Variants in STK39 observed in about 807,000 individuals in gnomAD.
STK39 encodes STE20/SPS1-related proline-alanine-rich protein kinase.
STK39 carries 20 observed loss-of-function variants against 77.8 expected under a neutral mutation model. The ratio of observed to expected loss-of-function variants is 0.26; its 90% CI spans 0.18 to 0.37. The LOEUF (loss-of-function observed/expected upper bound fraction) is 0.37. Ranked by LOEUF, STK39 falls within the 10% of genes least tolerant of loss-of-function variation. STK39 has a pLI of 1.00. For synonymous variants in STK39, 246 were observed against 234.1 expected, an observed-to-expected ratio of 1.05 and a Z score of -0.47; for missense variants, 479 against 656.5, an observed-to-expected ratio of 0.73 and a Z score of 2.95.
chr2:168,202,126 G>A (rs1041849156), intron 1 of STK39, among the ~76,000 whole-genome samples: 11 of 152,120 alleles, frequency 7.2e-5, no homozygotes, highest in African/African-American at 2.7e-4. Flanking sequence ...ACCTGCATCA[G>A]AACCAACTGG....
chr2:168,159,057 T>A (rs1688505322), intron 5 of STK39, among the ~76,000 whole-genome samples: 1 of 152,098 alleles, frequency 6.6e-6, no homozygotes, highest in Non-Finnish European at 1.5e-5. Context: ...AAAGTGAGTG[T>A]TTCCCCTAAA....
At chr2:168,223,309 A>T (rs1386134566) in intron 1 of STK39, among the ~76,000 whole-genome samples, 1 of 152,134 alleles carries the variant, frequency 6.6e-6, no homozygotes, top group African/African-American at 2.4e-5. Context: ...CAGGAGTTCA[A>T]GACCAGCCTG....
intron 10 of STK39, among the ~76,000 whole-genome samples, chr2:168,097,206 T>C (rs1686694041): frequency 6.6e-6 from 1 of 152,234 alleles, no homozygotes; most frequent in Admixed American, 6.5e-5. Flanking sequence ...CTCAAATCCT[T>C]TAATATTTCA....
At chr2:168,190,233 C>T (rs1334471913) in intron 1 of STK39, among the ~76,000 whole-genome samples, 2 of 152,230 alleles carry the variant, frequency 1.3e-5, no homozygotes, top group Admixed American at 6.5e-5. Context: ...CTGGGGAAGA[C>T]ACCCGCAGAC....
intron 1 of STK39, among the ~76,000 whole-genome samples, chr2:168,197,647 T>C (rs751280059): frequency 1.2e-4 from 19 of 152,240 alleles, no homozygotes; most frequent in Non-Finnish European, 2.6e-4. Context: ...AACTAAAAAA[T>C]ATATATGTAA....
At chr2:167,968,080 G>A (rs145417341) in intron 16 of STK39, among the ~76,000 whole-genome samples, 49 of 152,204 alleles carry the variant, frequency 3.2e-4, no homozygotes, top group Non-Finnish European at 5.1e-4. Context: ...TTAGGATAAC[G>A]GCCTCCAGCT....
intron 10 of STK39, among the ~76,000 whole-genome samples, chr2:168,102,286 C>T (rs975234947): frequency 6.6e-6 from 1 of 152,140 alleles, no homozygotes; most frequent in African/African-American, 2.4e-5. Context: ...GGGAGGGTTC[C>T]AGTTCTTCCA....
intron 10 of STK39, among the ~76,000 whole-genome samples, chr2:168,122,481 C>G (rs1687434269): frequency 6.6e-6 from 1 of 152,010 alleles, no homozygotes; most frequent in Non-Finnish European, 1.5e-5. Context: ...GCTCTGTTAC[C>G]CAGGCTGGAG....
At chr2:168,199,996 C>T (rs2105671369) in intron 1 of STK39, among the ~76,000 whole-genome samples, 1 of 152,306 alleles carries the variant, frequency 6.6e-6, no homozygotes, top group Non-Finnish European at 1.5e-5. Context: ...GTATCTGGAA[C>T]TCATATTTGA....
chr2:168,056,208 GAATA>G (rs764747960), intron 14 of STK39, among the ~76,000 whole-genome samples: 52 of 151,666 alleles, frequency 3.4e-4, no homozygotes, highest in Non-Finnish European at 6.2e-4. Context: ...TGATCTCCAG[GAATA>G]AATAAATAGT....
chr2:168,177,416 T>C (rs544697754), intron 2 of STK39, among the ~76,000 whole-genome samples: 3 of 152,166 alleles, frequency 2.0e-5, no homozygotes, highest in South Asian at 2.1e-4. Flanking sequence ...ACTAGAAATA[T>C]GAGAACTTGA....
At chr2:168,035,321 A>C (rs78464818) in intron 14 of STK39, among the ~76,000 whole-genome samples, 3,030 of 152,330 alleles carry the variant, frequency 0.02, 105 homozygotes, top group African/African-American at 0.069. Flanking sequence ...TTAGAATAAT[A>C]ATTAAAAACA....
At chr2:168,046,181 C>A (rs1685236285) in intron 14 of STK39, among the ~76,000 whole-genome samples, 1 of 152,048 alleles carries the variant, frequency 6.6e-6, no homozygotes, top group South Asian at 2.1e-4. Context: ...TCCTGGCCAA[C>A]ATGGTGAAAC....
chr2:168,018,912 C>T (rs1478193894), intron 14 of STK39, among the ~76,000 whole-genome samples: 3 of 152,114 alleles, frequency 2.0e-5, no homozygotes, highest in Non-Finnish European at 4.4e-5. Flanking sequence ...GAAAGAATGC[C>T]CTTTTCCTCA....
intron 10 of STK39, among the ~76,000 whole-genome samples, chr2:168,123,236 C>T (rs1190151799): frequency 6.6e-6 from 1 of 152,160 alleles, no homozygotes; most frequent in African/African-American, 2.4e-5. Flanking sequence ...AAAGAGACTA[C>T]AGGAGGTGTA....
intron 1 of STK39, among the ~76,000 whole-genome samples, chr2:168,244,393 A>G (rs1237311501): frequency 6.6e-6 from 1 of 152,222 alleles, no homozygotes; most frequent in Non-Finnish European, 1.5e-5. Context: ...GCCATGCTGG[A>G]AAGTTAAAAC....
rs201828648 is a variant in STK39 at position 168,182,046 on chromosome 2, T to C, written c.253A>G (p.Arg85Gly). 2 of 1,614,060 alleles carry C rather than the reference T, an allele frequency of 1.2e-6. No individual in the cohort carries two copies. Among genetic ancestry groups the C allele is most frequent in the Non-Finnish European group, 1.7e-6 (2 of 1,179,930 alleles). ...CGTTTTATTGCTACACGTTCTTGCC[T>C]GGGTTTGCATAGGGCTGCCTGAACC... ...AVVQAALCKP[R>G]QERVAIKRIN... Residue 85 changes from arginine to glycine, a missense_variant, in exon 2 of 18, where the codon AGG (arginine) becomes GGG (glycine). Arg to Gly is a moderately radical substitution (Grantham distance 125, BLOSUM62 -2). Coordinates refer to ENST00000355999, the MANE Select transcript of STK39 (RefSeq NM_013233.3).
intron 10 of STK39, among the ~76,000 whole-genome samples, chr2:168,097,041 C>T (rs566194161): frequency 1.3e-5 from 2 of 152,288 alleles, no homozygotes; most frequent in East Asian, 1.9e-4. Flanking sequence ...TACTAAACTT[C>T]ATTTCCTAGC....
At chr2:168,151,618 A>G (rs1438158683) in intron 5 of STK39, among the ~76,000 whole-genome samples, 1 of 151,970 alleles carries the variant, frequency 6.6e-6, no homozygotes, top group Non-Finnish European at 1.5e-5. Context: ...ACGTGCCTAT[A>G]GTCCCAGCTA....
Sources: allele counts gnomAD v4.1 joint callset (sites outside exome capture counted in the v4.1 genomes callset), GRCh38; gene constraint gnomAD v4.1.1; transcripts MANE v1.5; gene names NCBI Gene and HGNC (gene_info 2026-07-23, HGNC 2026-07-21).